The following GABPB2 variants were observed in gnomAD, a reference collection of about 807,000 sequenced individuals.
The protein encoded by GABPB2 is GA-binding protein subunit beta-2.
GABPB2 carries 23 observed loss-of-function variants against 39.1 expected under a neutral mutation model. That is an observed-to-expected ratio of 0.59 (90% CI 0.42 to 0.83). The LOEUF (loss-of-function observed/expected upper bound fraction) is 0.83, where lower values mean the gene tolerates loss of function less well. GABPB2 is among the 40% of genes least tolerant of loss of function. The pLI, the probability that GABPB2 is intolerant of heterozygous loss-of-function variation, is 0.00. For synonymous variants in GABPB2, 184 were observed against 199.3 expected, an observed-to-expected ratio of 0.92 and a Z score of 0.65; for missense variants, 467 against 541.1, an observed-to-expected ratio of 0.86 and a Z score of 1.36.
chr1:151,107,567 T>G (rs1250375676), intron 7 of GABPB2, among the ~76,000 whole-genome samples: 3 of 150,978 alleles, frequency 2.0e-5, no homozygotes, highest in Non-Finnish European at 4.4e-5. Flanking sequence ...AGTGGTGCAA[T>G]CTCAGCTCAC....
chr1:151,110,151 G>C (rs887246988), intron 7 of GABPB2, among the ~76,000 whole-genome samples: 4 of 149,708 alleles, frequency 2.7e-5, no homozygotes, highest in African/African-American at 4.9e-5. Flanking sequence ...TGTGAGTCAC[G>C]ACCCCTGGTC....
intron 7 of GABPB2, among the ~76,000 whole-genome samples, chr1:151,116,401 C>CAAA (rs11430501): frequency 1.8e-4 from 22 of 124,240 alleles, no homozygotes; most frequent in South Asian, 2.6e-4. Flanking sequence ...AATTCCATCT[C>CAAA]AAAAAAAAAA....
Position 151,079,522 on chromosome 1 carries a change from C to CAG in GABPB2, c.-1+8591_-1+8592dup, listed in dbSNP as rs199660927. Among the ~76,000 whole-genome samples the CAG allele has an allele frequency of 6.1e-3, 924 of 152,040 alleles. 8 individuals are homozygous for CAG. The highest frequency in any genetic ancestry group is 0.012 in the Admixed American group (176 of 15,238). On this transcript the variant is annotated intron_variant, in intron 1 of 8. Transcript: ENST00000368918. ...TGCCACTGCACTCCAGCCTGGGAAA[C>CAG]AGAGTGAGACCCTGTCTCAGTAAAT...
intron 7 of GABPB2, among the ~76,000 whole-genome samples, chr1:151,107,665 G>T (rs941879516): frequency 2.0e-5 from 3 of 152,150 alleles, no homozygotes; most frequent in Non-Finnish European, 4.4e-5. Context: ...GCTGGGTGAG[G>T]CGGCTCACGG....
chr1:151,113,784 C>T (rs1401807111), intron 7 of GABPB2, among the ~76,000 whole-genome samples: 1 of 152,136 alleles, frequency 6.6e-6, no homozygotes, highest in Non-Finnish European at 1.5e-5. Flanking sequence ...TCCCAAAGTG[C>T]TGGGATTACA....
In GABPB2 at chr1:151,119,644, A is replaced by T. The variant is rs1315404749; in HGVS notation, c.*1388A>T. On this transcript the variant is annotated 3_prime_UTR_variant, in exon 9 of 9. Coordinates refer to ENST00000368918, the MANE Select transcript of GABPB2 (RefSeq NM_144618.3). ...TCCCAGTTACTTGGGAGGCTGAGGC[A>T]GGAGAATTGCTTGAACCTGGGAGGT... The T allele has an allele frequency of 6.6e-6, 1 of 152,624 alleles. No homozygotes were observed. The highest frequency in any genetic ancestry group is 1.5e-5 in the Non-Finnish European group (1 of 68,342). 9.5% of individuals were successfully genotyped at this position (152,624 alleles called of 1,614,324 possible).
intron 4 of GABPB2, among the ~76,000 whole-genome samples, chr1:151,096,243 A>G (rs945632627): frequency 3.5e-4 from 53 of 152,014 alleles, no homozygotes; most frequent in African/African-American, 1.2e-3. Flanking sequence ...GGGCAACTCG[A>G]TGAAACCCTG....
intron 5 of GABPB2, among the ~76,000 whole-genome samples, chr1:151,101,847 C>T (rs1679549336): frequency 6.6e-6 from 1 of 151,992 alleles, no homozygotes; most frequent in Non-Finnish European, 1.5e-5. Flanking sequence ...AAGATTTATA[C>T]AAAACTGTTG....
intron 1 of GABPB2, among the ~76,000 whole-genome samples, chr1:151,083,956 G>T (rs587677198): frequency 6.6e-6 from 1 of 150,728 alleles, no homozygotes; most frequent in East Asian, 2.0e-4. Flanking sequence ...GGACATGCTG[G>T]TCTTGAACTC....
At chr1:151,083,655 T>TATATATA (rs368501073) in intron 1 of GABPB2, among the ~76,000 whole-genome samples, 12 of 145,582 alleles carry the variant, frequency 8.2e-5, no homozygotes, top group African/African-American at 3.2e-4. Context: ...AAAAAAAAAA[T>TATATATA]TATATATATA....
At chr1:151,116,341 T>C (rs587644680) in intron 7 of GABPB2, among the ~76,000 whole-genome samples, 1 of 149,086 alleles carries the variant, frequency 6.7e-6, no homozygotes, top group South Asian at 2.1e-4. Flanking sequence ...AGTTAGCCAT[T>C]GCACTCCAGA....
At chr1:151,083,461 G>GTC (rs1317806798) in intron 1 of GABPB2, among the ~76,000 whole-genome samples, 1 of 152,052 alleles carries the variant, frequency 6.6e-6, no homozygotes, top group African/African-American at 2.4e-5. Context: ...GCGAAAACCT[G>GTC]TCTCTACTAA....
intron 4 of GABPB2, 108 bp from the exon 5 acceptor site, chr1:151,097,744 A>T: frequency 9.3e-7 from 1 of 1,079,834 alleles, no homozygotes; most frequent in East Asian, 2.5e-5. Context: ...GTGCCACTGC[A>T]CTCCAGCCTG....
At position 151,115,265 on chromosome 1, in the gene GABPB2, C is replaced by T. The variant is rs1680769562; in HGVS notation, c.923-2127C>T. Among the ~76,000 whole-genome samples the T allele has an allele frequency of 2.6e-5, 4 of 151,772 alleles. No homozygotes were observed. The South Asian group carries it at 6.3e-4, about 24-fold the overall frequency. On this transcript the variant is annotated intron_variant, in intron 7 of 8. Transcript: ENST00000368918. ...ATCCCAGCTACTCAGGAGACTGAGG[C>T]AGGAGAATCGCTTGAACTGGGGGCA...
Position 151,118,532 on chromosome 1 carries a change from G to T in GABPB2, c.*276G>T. 1 of 315,538 alleles carries T rather than the reference G, an allele frequency of 3.2e-6. No individual in the cohort carries two copies. The highest frequency in any genetic ancestry group is 5.8e-6 in the Non-Finnish European group (1 of 172,802). 19.5% of individuals were successfully genotyped at this position (315,538 alleles called of 1,614,324 possible). On this transcript the variant is annotated 3_prime_UTR_variant, in exon 9 of 9. Transcript: ENST00000368918. ...TAGAAGTAAAAGAATACTGCATGTT[G>T]TGGGTTGATTTTTTTTTTTTAAATA...
At chr1:151,072,514 A>G (rs1676813576) in intron 1 of GABPB2, among the ~76,000 whole-genome samples, 1 of 151,888 alleles carries the variant, frequency 6.6e-6, no homozygotes, top group Non-Finnish European at 1.5e-5. Context: ...GCACCACTGC[A>G]CTCCAGCCTG....
chr1:151,071,064 A>C (rs1404104283), intron 1 of GABPB2, 130 bp downstream of exon 1: 1 of 152,144 alleles, frequency 6.6e-6, no homozygotes, highest in African/African-American at 2.4e-5. Context: ...GCTCCCCGTC[A>C]CTGAAGCGGG....
chr1:151,106,317 T>C (rs1346485410), intron 6 of GABPB2, among the ~76,000 whole-genome samples: 1 of 151,550 alleles, frequency 6.6e-6, no homozygotes, highest in African/African-American at 2.4e-5. Context: ...ATCAAATATG[T>C]TGGGGAAACA....
chr1:151,096,677 G>C (rs1679120998), intron 4 of GABPB2, among the ~76,000 whole-genome samples: 1 of 152,136 alleles, frequency 6.6e-6, no homozygotes, highest in Non-Finnish European at 1.5e-5. Context: ...CAAAAGTACA[G>C]CATATGGAGC....
Sources: allele counts gnomAD v4.1 joint callset (sites outside exome capture counted in the v4.1 genomes callset), GRCh38; gene constraint gnomAD v4.1.1; transcripts MANE v1.5; gene names NCBI Gene and HGNC (gene_info 2026-07-23, HGNC 2026-07-21).